SFXN5: variants seen among roughly 807,000 people sequenced by gnomAD.
The protein encoded by SFXN5 is sideroflexin 5, also known as sideroflexin-5.
SFXN5 carries 43 observed loss-of-function variants against 50.2 expected under a neutral mutation model. That is an observed-to-expected ratio of 0.86 (90% confidence interval 0.67 to 1.11). SFXN5 has a LOEUF of 1.11. Ranked by LOEUF, SFXN5 falls within the 50% of genes least tolerant of loss-of-function variation. SFXN5 has a pLI of 0.00. For missense variants in SFXN5, 463 were observed against 454.1 expected (o/e 1.02, Z -0.18); for synonymous variants, 203 against 185.8 (o/e 1.09, Z -0.75).
chr2:72,954,376 G>A (rs1444796772), intron 13 of SFXN5, among the ~76,000 whole-genome samples: 5 of 152,114 alleles, frequency 3.3e-5, no homozygotes, highest in East Asian at 1.9e-4. Flanking sequence ...TGGGGGTACC[G>A]GGGGAGGTCA....
chr2:72,983,195 A>G (rs943637095), intron 10 of SFXN5, among the ~76,000 whole-genome samples: 9 of 152,066 alleles, frequency 5.9e-5, no homozygotes, highest in African/African-American at 2.2e-4. Flanking sequence ...TGACATGAAG[A>G]CCCGTGTGGC....
chr2:72,964,379 C>A (rs1244627512), intron 12 of SFXN5, among the ~76,000 whole-genome samples: 1 of 152,232 alleles, frequency 6.6e-6, no homozygotes, highest in African/African-American at 2.4e-5. Context: ...CTATAGGGTG[C>A]GTGGCACGGA....
At chr2:72,959,735 A>G (rs1449792141) in intron 13 of SFXN5, among the ~76,000 whole-genome samples, 3 of 151,908 alleles carry the variant, frequency 2.0e-5, no homozygotes, top group Non-Finnish European at 4.4e-5. Flanking sequence ...CTTTCCCAAA[A>G]TCGTCCTGTC....
rs896324768 is a variant in SFXN5, at chr2:72,968,530, G to A, written c.745C>T (p.Leu249=). 2.5e-6 allele frequency: 4 copies of A among 1,613,176 alleles called. No homozygotes were observed. Among genetic ancestry groups the A allele is most frequent in the Non-Finnish European group, 3.4e-6 (4 of 1,179,988 alleles). Residue 249 remains leucine (L), a synonymous_variant, in exon 12 of 14, where the codon CTG becomes TTG. Transcript: ENST00000272433. ...ACTCGCGTCAGCGCCGTCTCCAGCA[G>A]GGCCTGAGGGGCAGGCAGAAGCTGT... ...GSSKIAARHA[L]LETALTRVVL...
chr2:73,035,832 C>G, intron 3 of SFXN5, among the ~76,000 whole-genome samples: 1 of 152,194 alleles, frequency 6.6e-6, no homozygotes, highest in East Asian at 1.9e-4. Context: ...GTAACGGTCC[C>G]TGGAGGAGAG....
intron 3 of SFXN5, among the ~76,000 whole-genome samples, chr2:73,030,627 C>T (rs1678184687): frequency 6.6e-6 from 1 of 151,968 alleles, no homozygotes; most frequent in African/African-American, 2.4e-5. Flanking sequence ...AACTCTCTAC[C>T]CATTAAATGT....
intron 13 of SFXN5, among the ~76,000 whole-genome samples, chr2:72,951,911 G>C (rs1300738062): frequency 6.6e-6 from 1 of 152,242 alleles, no homozygotes; most frequent in African/African-American, 2.4e-5. Context: ...TTTGTCCACT[G>C]GGCACAACAT....
In SFXN5 at chr2:73,024,216, G is replaced by T. The variant is rs577436522; in HGVS notation, c.250-1002C>A. ...TTTTTGTATTTTTAGTAGAGACGGG[G>T]TTTCACCATGTTGGTAAGGCTGGTC... On this transcript the variant is annotated intron_variant, in intron 3 of 13. Coordinates refer to ENST00000272433, the MANE Select transcript of SFXN5 (RefSeq NM_144579.3). 3.9e-4 allele frequency among the ~76,000 whole-genome samples: 60 copies of T among 152,154 alleles called. No homozygotes were observed. In the South Asian group the frequency reaches 8.1e-3, roughly 20 times the overall value.
chr2:72,985,079 C>T (rs149507153), intron 10 of SFXN5, among the ~76,000 whole-genome samples: 1 of 152,328 alleles, frequency 6.6e-6, no homozygotes, highest in African/African-American at 2.4e-5. Flanking sequence ...CCCCCTTCCA[C>T]TCCACTCACA....
intron 1 of SFXN5, chr2:73,059,911 T>TCCCACCATGGCA: frequency 1.2e-6 from 1 of 857,614 alleles, no homozygotes; most frequent in Non-Finnish European, 1.4e-6. Context: ...GCTGCATTCT[T>TCCCACCATGGCA]TACAAAGGTG....
At position 72,999,152 on chromosome 2, in the gene SFXN5, C is replaced by G. The variant is rs1265716832; in HGVS notation, c.469-138G>C. ...GGTAGAAGGAAGAGGCCCCTCAGGA[C>G]TCAAAGGGATCAGGCCACCCTCAGC... is the stretch of plus-strand genomic sequence containing the variant. On this transcript the variant is annotated intron_variant, in intron 8 of 13. Transcript: ENST00000272433. 4 of 812,230 alleles carry G rather than the reference C, an allele frequency of 4.9e-6. No individual in the cohort carries two copies. In the East Asian group the frequency reaches 1.1e-4, roughly 22 times the overall value. The allele number at this position is 812,230 out of a possible 1,614,324, so 50.3% of individuals were successfully genotyped here.
chr2:72,984,532 G>A (rs1012146266), intron 10 of SFXN5, among the ~76,000 whole-genome samples: 3 of 152,186 alleles, frequency 2.0e-5, no homozygotes, highest in Non-Finnish European at 1.5e-5. Context: ...GGAGGCCTGG[G>A]CTCTGGCCAG....
At chr2:73,056,626 G>A (rs575942708) in intron 2 of SFXN5, among the ~76,000 whole-genome samples, 12 of 151,618 alleles carry the variant, frequency 7.9e-5, no homozygotes, top group Admixed American at 2.0e-4. Flanking sequence ...CAGAGGTTGC[G>A]GTGAGCTGGG....
In SFXN5 at chr2:72,961,309, C is replaced by G; in HGVS notation, c.828-61G>C. The G allele has an allele frequency of 8.2e-7, 1 of 1,217,030 alleles. No individual in the cohort carries two copies. The allele number at this position is 1,217,030 out of a possible 1,614,324, so 75.4% of individuals were successfully genotyped here. ...GAAGGTGGGGTGGGCTGGCTGCCAG[C>G]CACCATGCTGGGTCCCACTCTGTCT... On this transcript the variant is annotated intron_variant, in intron 12 of 13. Coordinates refer to ENST00000272433, the MANE Select transcript of SFXN5 (RefSeq NM_144579.3). The surrounding 1 kb of genome is among the most constrained non-coding windows in gnomAD (Gnocchi z 4.4).
At position 72,942,523 on chromosome 2, in the gene SFXN5, C is replaced by T. The variant is rs1573906770; in HGVS notation, c.*2499G>A. Reference sequence around the variant, plus strand: ...CGCCCTGACTGTGTCCAGGCTTAGCCTCCACCCCAGGCATGAACCAATCTG... The same window carrying T: ...CGCCCTGACTGTGTCCAGGCTTAGCTTCCACCCCAGGCATGAACCAATCTG... On this transcript the variant is annotated 3_prime_UTR_variant, in exon 14 of 14. Coordinates refer to ENST00000272433, the MANE Select transcript of SFXN5 (RefSeq NM_144579.3). 1 of 152,534 alleles carries T rather than the reference C, an allele frequency of 6.6e-6. No individual in the cohort carries two copies. The highest frequency in any genetic ancestry group is 2.1e-4 in the South Asian group (1 of 4,838). 9.4% of individuals were successfully genotyped at this position (152,534 alleles called of 1,614,324 possible).
At chr2:73,058,620 G>C in intron 1 of SFXN5, 24 bp from the exon 2 acceptor site, 1 of 1,609,566 alleles carries the variant, frequency 6.2e-7, no homozygotes, top group Non-Finnish European at 8.5e-7. Context: ...TGAGAGAGAA[G>C]AGTGAATGGA....
At chr2:72,951,122 C>A (rs1379753858) in intron 13 of SFXN5, among the ~76,000 whole-genome samples, 2 of 152,126 alleles carry the variant, frequency 1.3e-5, no homozygotes, top group South Asian at 2.1e-4. Flanking sequence ...CTGATGGTCG[C>A]CCCCGCCACA....
intron 9 of SFXN5, among the ~76,000 whole-genome samples, 191 bp from the exon 10 acceptor site, chr2:72,988,539 T>C (rs1374274455): frequency 6.6e-6 from 1 of 151,974 alleles, no homozygotes; most frequent in African/African-American, 2.4e-5. Flanking sequence ...AAAGTACCAC[T>C]GCCCAGTCAT....
chr2:73,055,514 A>G (rs1681965734), intron 2 of SFXN5, among the ~76,000 whole-genome samples: 2 of 151,878 alleles, frequency 1.3e-5, no homozygotes, highest in Non-Finnish European at 2.9e-5. Context: ...AATATTTGAC[A>G]TTTTAGGCCG....
Sources: allele counts gnomAD v4.1 joint callset (sites outside exome capture counted in the v4.1 genomes callset), GRCh38; gene constraint gnomAD v4.1.1; non-coding constraint Gnocchi (gnomAD v3.1); transcripts MANE v1.5; gene names NCBI Gene and HGNC (gene_info 2026-07-23, HGNC 2026-07-21).